SLC20A2: variants seen among roughly 807,000 people sequenced by gnomAD.
The protein encoded by SLC20A2 is sodium-dependent phosphate transporter 2.
In SLC20A2, 30 loss-of-function variants were observed where a neutral mutation model predicts 61.0. The ratio of observed to expected loss-of-function variants is 0.49; its 90% confidence interval spans 0.37 to 0.67. The LOEUF (loss-of-function observed/expected upper bound fraction) is 0.67. Among genes scored for constraint, SLC20A2 ranks in the 30% least tolerant of loss-of-function variants. The probability of loss-of-function intolerance (pLI) is 0.00; values close to 1 mark genes in which losing one functional copy is unlikely to be tolerated. For synonymous variants in SLC20A2, 351 were observed against 353.3 expected (o/e 0.99, Z 0.07); for missense variants, 626 against 866.4 (o/e 0.72, Z 3.48).
intron 1 of SLC20A2, among the ~76,000 whole-genome samples, chr8:42,495,165 T>C (rs1179520069): frequency 6.6e-6 from 1 of 152,220 alleles, no homozygotes; most frequent in African/African-American, 2.4e-5. Context: ...ACGTCTCTTA[T>C]TTTTAATGAC....
At chr8:42,485,370 G>A (rs1002108663) in intron 1 of SLC20A2, among the ~76,000 whole-genome samples, 3 of 152,062 alleles carry the variant, frequency 2.0e-5, no homozygotes, top group African/African-American at 4.8e-5. Context: ...GGCCGAACGC[G>A]GTGGCTCACG....
chr8:42,470,541 GGT>G (rs1321240872), intron 2 of SLC20A2, among the ~76,000 whole-genome samples: 4 of 152,106 alleles, frequency 2.6e-5, no homozygotes, highest in African/African-American at 7.2e-5. Context: ...GGAGCTCCCT[GGT>G]GTGTGTTACT....
chr8:42,452,755 A>G (rs1805846020), intron 5 of SLC20A2, among the ~76,000 whole-genome samples: 1 of 151,954 alleles, frequency 6.6e-6, no homozygotes, highest in Admixed American at 6.6e-5. Context: ...GAGGCCGCAG[A>G]GGCAGGGGCA....
At chr8:42,517,480 T>C (rs1312094147) in intron 1 of SLC20A2, among the ~76,000 whole-genome samples, 1 of 152,170 alleles carries the variant, frequency 6.6e-6, no homozygotes, top group Non-Finnish European at 1.5e-5. Flanking sequence ...TATTCTCTAA[T>C]TGACAATATA....
At chr8:42,420,629 T>C (rs888591570) in intron 10 of SLC20A2, among the ~76,000 whole-genome samples, 3 of 152,266 alleles carry the variant, frequency 2.0e-5, no homozygotes, top group Admixed American at 6.5e-5. Flanking sequence ...CATGCTCATA[T>C]AGAACAGGTT....
At chr8:42,513,336 C>A (rs1242241949) in intron 1 of SLC20A2, among the ~76,000 whole-genome samples, 1 of 152,178 alleles carries the variant, frequency 6.6e-6, no homozygotes, top group Non-Finnish European at 1.5e-5. Context: ...GTGGCTGCCT[C>A]TCCACCTCTC....
intron 1 of SLC20A2, among the ~76,000 whole-genome samples, chr8:42,478,562 C>A (rs968863651): frequency 2.6e-5 from 4 of 152,128 alleles, no homozygotes; most frequent in African/African-American, 9.7e-5. Context: ...CACGACCCAG[C>A]AGCCTCAATC....
chr8:42,537,209 C>A (rs1812762424), intron 1 of SLC20A2, among the ~76,000 whole-genome samples: 1 of 151,678 alleles, frequency 6.6e-6, no homozygotes, highest in Non-Finnish European at 1.5e-5. Flanking sequence ...TATAGTGAGA[C>A]CTCATCTTTA....
chr8:42,461,513 G>A (rs1345323786), intron 4 of SLC20A2, among the ~76,000 whole-genome samples: 2 of 150,204 alleles, frequency 1.3e-5, no homozygotes, highest in African/African-American at 4.9e-5. Flanking sequence ...GTGCAGTGGT[G>A]CAATCTTGGC....
chr8:42,460,200 T>A (rs759533393), intron 4 of SLC20A2: 21 of 463,486 alleles, frequency 4.5e-5, no homozygotes, highest in Non-Finnish European at 7.6e-5. Context: ...ACAAATGCAA[T>A]GTCAAAGAGC....
chr8:42,541,370 GC>G, intron 1 of SLC20A2: 1 of 148,068 alleles, frequency 6.8e-6, no homozygotes, highest in East Asian at 2.0e-4. Context: ...CGGGAGTCGG[GC>G]CGGGGGCTCG....
At chr8:42,419,082 A>G (rs1310939933) in intron 10 of SLC20A2, among the ~76,000 whole-genome samples, 2 of 152,038 alleles carry the variant, frequency 1.3e-5, no homozygotes, top group African/African-American at 4.8e-5. Context: ...TGTATCTTGA[A>G]ATAATTCAAA....
chr8:42,510,282 C>A (rs1810956742), intron 1 of SLC20A2, among the ~76,000 whole-genome samples: 1 of 152,138 alleles, frequency 6.6e-6, no homozygotes, highest in Non-Finnish European at 1.5e-5. Context: ...TGCAATCTTA[C>A]AGTATTTATT....
intron 5 of SLC20A2, among the ~76,000 whole-genome samples, chr8:42,447,288 G>T (rs1296107786): frequency 2.6e-5 from 4 of 151,772 alleles, no homozygotes; most frequent in African/African-American, 4.8e-5. Flanking sequence ...TGAGGCTGCA[G>T]TGAGCTATGA....
At chr8:42,458,040 A>G (rs1806351860) in intron 5 of SLC20A2, among the ~76,000 whole-genome samples, 3 of 152,170 alleles carry the variant, frequency 2.0e-5, no homozygotes, top group Admixed American at 2.0e-4. Flanking sequence ...CAGAAATTTC[A>G]TCTTTAAAAC....
At chr8:42,474,886 A>C (rs1357888294) in intron 1 of SLC20A2, among the ~76,000 whole-genome samples, 1 of 138,514 alleles carries the variant, frequency 7.2e-6, no homozygotes, top group Non-Finnish European at 1.5e-5. Flanking sequence ...GCAAAGGCTC[A>C]CCTGAGACCT....
rs188156454 is a variant in SLC20A2, at chr8:42,433,602, C to G, written c.1524-3353G>C. Among the ~76,000 whole-genome samples, 942 of 152,282 alleles carry G rather than the reference C, an allele frequency of 6.2e-3. 5 individuals are homozygous for G. Among genetic ancestry groups the G allele is most frequent in the African/African-American group, 0.021 (887 of 41,542 alleles). ...CCTCCCAAAGTGCTGGGATTACAGG[C>G]ATGAGTAGTATTTATCTTTCTGTGA... On this transcript the variant is annotated intron_variant, in intron 8 of 10. Transcript: ENST00000520262.
intron 1 of SLC20A2, among the ~76,000 whole-genome samples, chr8:42,533,363 C>T (rs1453226301): frequency 2.0e-5 from 3 of 152,136 alleles, no homozygotes; most frequent in Non-Finnish European, 4.4e-5. Context: ...CACCTGTAAT[C>T]CCAGCACTTT....
At chr8:42,476,464 A>G (rs1206008162) in intron 1 of SLC20A2, among the ~76,000 whole-genome samples, 1 of 152,076 alleles carries the variant, frequency 6.6e-6, no homozygotes, top group Non-Finnish European at 1.5e-5. Flanking sequence ...CAGTGGCTGT[A>G]CTACTGTACA....
Sources: gnomAD v4.1 joint callset for allele counts (sites outside exome capture counted in the v4.1 genomes callset) on GRCh38, gnomAD v4.1.1 for gene constraint, MANE v1.5 for transcripts, NCBI Gene and HGNC (gene_info 2026-07-23, HGNC 2026-07-21) for gene names.